The following PCDH15 variants were observed in gnomAD, a reference collection of about 807,000 sequenced individuals.
PCDH15 encodes protocadherin-15.
PCDH15 carries 129 observed loss-of-function variants against 178.5 expected under a neutral mutation model. The ratio of observed to expected loss-of-function variants is 0.72; its 90% CI spans 0.63 to 0.84. The LOEUF (loss-of-function observed/expected upper bound fraction) is 0.84, where lower values mean the gene tolerates loss of function less well. PCDH15 is among the 40% of genes least tolerant of loss of function. The pLI, the probability that PCDH15 is intolerant of heterozygous loss-of-function variation, is 0.00. For missense variants in PCDH15, 2,230 were observed against 2,099.9 expected (o/e 1.06, Z -1.21); for synonymous variants, 800 against 732.0 (o/e 1.09, Z -1.50).
chr10:54,431,121 C>T (rs1392430947), intron 3 of PCDH15, among the ~76,000 whole-genome samples: 1 of 152,034 alleles, frequency 6.6e-6, no homozygotes, highest in Non-Finnish European at 1.5e-5. Flanking sequence ...GTAATAAAAA[C>T]TATCCCGGTA....
chr10:54,943,644 T>C lies in PCDH15; in HGVS notation c.-79-46144A>G, dbSNP rs115130718. ...TTTGATATATAAAGCCAATATATAT[T>C]TTATTTCTTAGAAATCTTGTTTCTC... On this transcript the variant is annotated intron_variant, in intron 2 of 5. Coordinates refer to the PCDH15 transcript ENST00000458638. Among the ~76,000 whole-genome samples the C allele has an allele frequency of 6.7e-3, 1,018 of 152,074 alleles. 10 individuals carry two copies. Among genetic ancestry groups the C allele is most frequent in the African/African-American group, 0.023 (976 of 41,540 alleles).
intron 2 of PCDH15, among the ~76,000 whole-genome samples, chr10:55,119,186 T>C (rs999839258): frequency 2.6e-5 from 4 of 152,148 alleles, no homozygotes; most frequent in Non-Finnish European, 5.9e-5. Flanking sequence ...AATTTTAAAA[T>C]GACGATGGCA....
At chr10:54,309,644 A>G (rs1398562434) in intron 8 of PCDH15, among the ~76,000 whole-genome samples, 2 of 151,922 alleles carry the variant, frequency 1.3e-5, no homozygotes, top group Non-Finnish European at 2.9e-5. Context: ...AAAAATACAA[A>G]AATTAGCCGG....
chr10:53,817,585 G>C (rs532327166), intron 34 of PCDH15, among the ~76,000 whole-genome samples: 8 of 134,950 alleles, frequency 5.9e-5, no homozygotes, highest in Admixed American at 5.0e-4. Flanking sequence ...GCAGTGGCCT[G>C]ATCTTGGCTC....
intron 2 of PCDH15, among the ~76,000 whole-genome samples, chr10:55,588,624 G>A (rs1189260331): frequency 4.5e-4 from 68 of 151,396 alleles, no homozygotes; most frequent in Middle Eastern, 3.4e-3. Flanking sequence ...GATCAAAGAA[G>A]AGAAAAAAGA....
intron 2 of PCDH15, among the ~76,000 whole-genome samples, chr10:55,406,633 G>A (rs754389813): frequency 1.5e-4 from 23 of 152,100 alleles, no homozygotes; most frequent in Non-Finnish European, 2.5e-4. Flanking sequence ...TAAATTTGAG[G>A]CACTTTTTAG....
intron 2 of PCDH15, among the ~76,000 whole-genome samples, chr10:55,111,825 C>T (rs975629802): frequency 1.3e-5 from 2 of 152,008 alleles, no homozygotes; most frequent in Non-Finnish European, 2.9e-5. Context: ...TGCACTACGG[C>T]CTGGGCAACA....
chr10:54,513,840 A>G (rs10825342), intron 3 of PCDH15, among the ~76,000 whole-genome samples: 50,154 of 152,066 alleles, frequency 0.33, 8,489 homozygotes, highest in Admixed American at 0.4. Flanking sequence ...GATTACAGCA[A>G]TGAATCAAAA....
At chr10:55,311,549 A>G (rs1261158341) in intron 1 of PCDH15, among the ~76,000 whole-genome samples, 1 of 152,338 alleles carries the variant, frequency 6.6e-6, no homozygotes. Flanking sequence ...TTTATCTAGC[A>G]TTCTTGAAAA....
At chr10:55,043,740 A>AAAT (rs71014442) in intron 2 of PCDH15, among the ~76,000 whole-genome samples, 12,784 of 142,848 alleles carry the variant, frequency 0.089, 687 homozygotes, top group African/African-American at 0.13. Context: ...ATAAATAAAT[A>AAAT]AAATAAATAA....
chr10:54,370,803 A>G (rs1947542214), intron 4 of PCDH15, among the ~76,000 whole-genome samples: 1 of 151,924 alleles, frequency 6.6e-6, no homozygotes, highest in Non-Finnish European at 1.5e-5. Flanking sequence ...TGTAAATGAG[A>G]AAAATGCTAC....
At chr10:54,683,658 C>A (rs1363814769) in intron 1 of PCDH15, among the ~76,000 whole-genome samples, 1 of 152,000 alleles carries the variant, frequency 6.6e-6, no homozygotes, top group African/African-American at 2.4e-5. Context: ...GGTTAGGTAG[C>A]CCTCTCAAAG....
At chr10:54,754,418 T>C (rs1404580001) in intron 1 of PCDH15, among the ~76,000 whole-genome samples, 1 of 152,120 alleles carries the variant, frequency 6.6e-6, no homozygotes, top group Non-Finnish European at 1.5e-5. Context: ...ACATATCAAA[T>C]ATAATTTAAA....
At chr10:55,504,906 T>C (rs1054762045) in intron 2 of PCDH15, among the ~76,000 whole-genome samples, 1 of 151,426 alleles carries the variant, frequency 6.6e-6, no homozygotes, top group Non-Finnish European at 1.5e-5. Flanking sequence ...AATCAAAATA[T>C]GCACTTTAGT....
In PCDH15 at chr10:55,410,493, A is replaced by T. The variant is rs1039446663; in HGVS notation, c.-156+217132T>A. Reference sequence around the variant, plus strand: ...AGCTTTGTAAATTCTATCCGTAATCAAAGCTGATTTGCTGCAGGATAATTT... The same window carrying T: ...AGCTTTGTAAATTCTATCCGTAATCTAAGCTGATTTGCTGCAGGATAATTT... On this transcript the variant is annotated intron_variant, in intron 2 of 5. Transcript: ENST00000613346. Among the ~76,000 whole-genome samples, 7 of 152,290 alleles carry T rather than the reference A, an allele frequency of 4.6e-5. No individual in the cohort carries two copies. The South Asian group carries it at 1.2e-3, about 27-fold the overall frequency.
chr10:55,002,595 T>TAAC (rs1268944181), intron 2 of PCDH15, among the ~76,000 whole-genome samples: 1 of 13,248 alleles, frequency 7.5e-5, no homozygotes, highest in East Asian at 8.3e-3. Context: ...AAATGTCCTA[T>TAAC]TAACTGCCAA....
intron 2 of PCDH15, among the ~76,000 whole-genome samples, chr10:55,580,985 T>C (rs2132120128): frequency 6.6e-6 from 1 of 152,278 alleles, no homozygotes; most frequent in South Asian, 2.1e-4. Context: ...AAAACCACAA[T>C]GAGATACGTT....
At chr10:55,088,883 T>C (rs531117247) in intron 2 of PCDH15, among the ~76,000 whole-genome samples, 1 of 152,296 alleles carries the variant, frequency 6.6e-6, no homozygotes, top group East Asian at 1.9e-4. Flanking sequence ...CTGAAATTCA[T>C]ATCAGTTTGA....
intron 8 of PCDH15, among the ~76,000 whole-genome samples, chr10:54,238,357 G>A (rs530626019): frequency 2.9e-4 from 44 of 152,040 alleles, no homozygotes; most frequent in African/African-American, 1.0e-3. Context: ...TATAATACTT[G>A]ATTTTATATT....
Sources: allele counts gnomAD v4.1 joint callset (sites outside exome capture counted in the v4.1 genomes callset), GRCh38; gene constraint gnomAD v4.1.1; transcripts MANE v1.5; gene names NCBI Gene and HGNC (gene_info 2026-07-23, HGNC 2026-07-21).